Variants in CDH18 observed in about 807,000 individuals in gnomAD.
CDH18 encodes cadherin-18.
Under a neutral mutation model 67.9 loss-of-function variants are expected in CDH18, and 31 were observed. The ratio of observed to expected loss-of-function variants is 0.46; its 90% CI spans 0.34 to 0.62. The LOEUF (loss-of-function observed/expected upper bound fraction) is 0.62. CDH18 is among the 20% of genes least tolerant of loss of function. CDH18 has a pLI of 0.01. For missense variants in CDH18, 890 were observed against 975.5 expected (o/e 0.91, Z 1.17); for synonymous variants, 362 against 347.2 (o/e 1.04, Z -0.48).
chr5:19,550,540 T>C (rs1291858384), intron 8 of CDH18, among the ~76,000 whole-genome samples: 1 of 152,138 alleles, frequency 6.6e-6, no homozygotes, highest in Non-Finnish European at 1.5e-5. Context: ...TGCGATAGTT[T>C]GCTGAGAATG....
chr5:19,949,238 T>C (rs1044320650), intron 2 of CDH18, among the ~76,000 whole-genome samples: 2 of 152,148 alleles, frequency 1.3e-5, no homozygotes, highest in African/African-American at 4.8e-5. Context: ...ATCTCAGTGG[T>C]GTATTCAGAA....
At chr5:19,946,769 A>C (rs1795319433) in intron 2 of CDH18, among the ~76,000 whole-genome samples, 1 of 152,170 alleles carries the variant, frequency 6.6e-6, no homozygotes, top group African/African-American at 2.4e-5. Context: ...TGATACCAAA[A>C]CCAGAAAAGG....
chr5:20,137,986 C>A (rs981165005), intron 2 of CDH18, among the ~76,000 whole-genome samples: 2 of 152,174 alleles, frequency 1.3e-5, no homozygotes, highest in Admixed American at 6.5e-5. Flanking sequence ...CATCCTGATA[C>A]CAAAGCCTTG....
chr5:19,566,049 A>G (rs529784445), intron 8 of CDH18, among the ~76,000 whole-genome samples: 1 of 152,328 alleles, frequency 6.6e-6, no homozygotes, highest in Non-Finnish European at 1.5e-5. Flanking sequence ...AATCTGAATA[A>G]AAAATGGGCA....
rs563653588 is a variant in CDH18 at position 20,456,171 on chromosome 5, G to T, written c.-580+119291C>A. ...CAGCATTTAAATGAAACAAAGCTAT[G>T]TATGTAGACTCACGACATGTAAATA... On this transcript the variant is annotated intron_variant, in intron 1 of 14. Transcript: ENST00000507958. Among the ~76,000 whole-genome samples the T allele has an allele frequency of 5.3e-5, 8 of 152,146 alleles. No homozygotes were observed. The South Asian group carries it at 1.5e-3, about 28-fold the overall frequency.
chr5:19,982,555 G>T (rs1799164646), intron 1 of CDH18, among the ~76,000 whole-genome samples: 1 of 151,890 alleles, frequency 6.6e-6, no homozygotes, highest in Non-Finnish European at 1.5e-5. Context: ...TCATTTTTGT[G>T]ATATTTTTAA....
intron 1 of CDH18, among the ~76,000 whole-genome samples, chr5:20,366,557 C>T (rs1051866321): frequency 2.0e-5 from 3 of 152,170 alleles, no homozygotes; most frequent in East Asian, 3.9e-4. Context: ...CCAGACTGCA[C>T]GGTTTGAGAT....
intron 1 of CDH18, among the ~76,000 whole-genome samples, chr5:20,381,374 T>G (rs1180977802): frequency 6.6e-6 from 1 of 151,982 alleles, no homozygotes; most frequent in Non-Finnish European, 1.5e-5. Flanking sequence ...TGTGTCCTTG[T>G]TGGGAATGCA....
At chr5:20,211,346 C>G (rs1740338610) in intron 2 of CDH18, among the ~76,000 whole-genome samples, 1 of 152,092 alleles carries the variant, frequency 6.6e-6, no homozygotes, top group East Asian at 1.9e-4. Context: ...GCAGCAGAAA[C>G]TTCTGCAGAC....
At position 19,642,657 on chromosome 5, in the gene CDH18, T is replaced by C. The variant is rs372311037; in HGVS notation, c.644-30056A>G. Among the ~76,000 whole-genome samples the C allele has an allele frequency of 4.2e-4, 64 of 152,120 alleles. 1 individual carries two copies. The highest frequency in any genetic ancestry group is 3.4e-3 in the Middle Eastern group (1 of 292). ...TTAAATGGACCCTTATTCTCACTAT[T>C]TACAAACGTCTACCCAAAATGGATT... On this transcript the variant is annotated intron_variant, in intron 5 of 12. Coordinates refer to ENST00000382275, the MANE Select transcript of CDH18 (RefSeq NM_004934.5).
At chr5:20,029,937 G>A (rs757602517) in intron 2 of CDH18, among the ~76,000 whole-genome samples, 2 of 152,164 alleles carry the variant, frequency 1.3e-5, no homozygotes, top group Non-Finnish European at 2.9e-5. Context: ...CTATTCCTAA[G>A]TTTATTCTGA....
At chr5:19,904,040 G>A (rs928083161) in intron 2 of CDH18, among the ~76,000 whole-genome samples, 1 of 151,890 alleles carries the variant, frequency 6.6e-6, no homozygotes, top group Non-Finnish European at 1.5e-5. Context: ...TTGGGAGGCC[G>A]AGGCAGGCAG....
chr5:20,063,751 AC>A (rs1319427812), intron 2 of CDH18, among the ~76,000 whole-genome samples: 1 of 152,146 alleles, frequency 6.6e-6, no homozygotes, highest in East Asian at 1.9e-4. Context: ...CAAGACCTAG[AC>A]ATTCTATTCC....
intron 11 of CDH18, among the ~76,000 whole-genome samples, chr5:19,490,838 T>C (rs998707564): frequency 1.3e-5 from 2 of 152,034 alleles, no homozygotes; most frequent in African/African-American, 4.8e-5. Flanking sequence ...GGCAAATCCA[T>C]AAGGGGAAAA....
intron 5 of CDH18, among the ~76,000 whole-genome samples, chr5:19,711,858 T>A (rs1303856): frequency 1.3e-5 from 2 of 151,882 alleles, no homozygotes; most frequent in Non-Finnish European, 2.9e-5. Flanking sequence ...CAAAAGCATA[T>A]CTATACCCAT....
At chr5:19,915,905 A>G (rs1040074995) in intron 2 of CDH18, among the ~76,000 whole-genome samples, 4 of 152,158 alleles carry the variant, frequency 2.6e-5, no homozygotes, top group African/African-American at 9.7e-5. Context: ...TAATTAATCT[A>G]TTAACAGAAC....
intron 5 of CDH18, among the ~76,000 whole-genome samples, chr5:19,637,130 T>C (rs558101442): frequency 6.6e-6 from 1 of 151,896 alleles, no homozygotes; most frequent in East Asian, 1.9e-4. Context: ...TCCTTTTTCT[T>C]TCTCTTTCTT....
intron 2 of CDH18, among the ~76,000 whole-genome samples, chr5:20,175,127 G>T (rs1442145877): frequency 6.6e-6 from 1 of 152,052 alleles, no homozygotes; most frequent in Non-Finnish European, 1.5e-5. Context: ...GAGGGTAGGG[G>T]AGGAAGTGTA....
chr5:19,744,499 A>G (rs1483417000), intron 4 of CDH18, among the ~76,000 whole-genome samples: 2 of 102,574 alleles, frequency 1.9e-5, no homozygotes, highest in Non-Finnish European at 3.8e-5. Context: ...GTATTAACTC[A>G]GTGTACACAC....
Sources: allele counts gnomAD v4.1 joint callset (sites outside exome capture counted in the v4.1 genomes callset), GRCh38; gene constraint gnomAD v4.1.1; transcripts MANE v1.5; gene names NCBI Gene and HGNC (gene_info 2026-07-23, HGNC 2026-07-21).